PRR16: variants seen among roughly 807,000 people sequenced by gnomAD.
PRR16 encodes proline rich 16.
In PRR16, 6 loss-of-function variants were observed where a neutral mutation model predicts 18.2. That is an observed-to-expected ratio of 0.33 (90% CI 0.18 to 0.65). The LOEUF (loss-of-function observed/expected upper bound fraction) is 0.65. Ranked by LOEUF, PRR16 falls within the 30% of genes least tolerant of loss-of-function variation. The pLI is 0.74. For synonymous variants in PRR16, 151 were observed against 147.8 expected (o/e 1.02, Z -0.16); for missense variants, 412 against 376.6 (o/e 1.09, Z -0.78).
the PRR16 span, among the ~76,000 whole-genome samples, chr5:120,753,259 A>G: frequency 1.3e-5 from 2 of 152,174 alleles, no homozygotes; most frequent in South Asian, 4.1e-4. Context: ...GAATCTGACA[A>G]TCAGTCACTC....
chr5:120,723,458 A>G, the PRR16 span, among the ~76,000 whole-genome samples: 2 of 152,046 alleles, frequency 1.3e-5, no homozygotes, highest in Admixed American at 6.6e-5. Context: ...TAATTTAAAA[A>G]AGCATAATTA....
intron 1 of PRR16, among the ~76,000 whole-genome samples, chr5:120,555,850 C>T (rs889246998): frequency 1.3e-5 from 2 of 148,984 alleles, no homozygotes; most frequent in African/African-American, 2.5e-5. Context: ...AAAAATTTCC[C>T]ATAAGGCACA....
intron 1 of PRR16, among the ~76,000 whole-genome samples, chr5:120,651,823 G>C (rs975545297): frequency 6.6e-6 from 1 of 151,902 alleles, no homozygotes; most frequent in Non-Finnish European, 1.5e-5. Flanking sequence ...CTCTTTTTTG[G>C]TTCCATATGA....
At chr5:120,714,327 T>G in the PRR16 span, among the ~76,000 whole-genome samples, 16 of 152,274 alleles carry the variant, frequency 1.1e-4, no homozygotes, top group African/African-American at 3.8e-4. Flanking sequence ...TTTGCCAACA[T>G]TGACTTGGAG....
intron 1 of PRR16, among the ~76,000 whole-genome samples, chr5:120,554,044 G>A (rs191778005): frequency 6.6e-6 from 1 of 151,930 alleles, no homozygotes; most frequent in East Asian, 1.9e-4. Flanking sequence ...TAAATTCACA[G>A]ATAATACACA....
intron 1 of PRR16, among the ~76,000 whole-genome samples, chr5:120,528,584 A>G (rs1751446780): frequency 6.6e-6 from 1 of 152,158 alleles, no homozygotes; most frequent in Non-Finnish European, 1.5e-5. Flanking sequence ...AAGGCATCCA[A>G]GTTTCCAGAT....
At chr5:120,672,048 A>G (rs1237967368) in intron 1 of PRR16, among the ~76,000 whole-genome samples, 1 of 152,134 alleles carries the variant, frequency 6.6e-6, no homozygotes, top group African/African-American at 2.4e-5. Flanking sequence ...GCCCTTTGGG[A>G]GGTTACAGTC....
At chr5:120,471,009 G>A (rs1288614229) in intron 1 of PRR16, among the ~76,000 whole-genome samples, 1 of 151,918 alleles carries the variant, frequency 6.6e-6, no homozygotes, top group Non-Finnish European at 1.5e-5. Context: ...ACAAATTTTT[G>A]CTTGCAGCAG....
chr5:120,668,923 T>A (rs751178868), intron 1 of PRR16, among the ~76,000 whole-genome samples: 1 of 151,970 alleles, frequency 6.6e-6, no homozygotes, highest in Non-Finnish European at 1.5e-5. Context: ...GAATAACGCG[T>A]CCGCATCAAA....
chr5:120,533,984 G>T (rs1751634682), intron 1 of PRR16, among the ~76,000 whole-genome samples: 1 of 152,172 alleles, frequency 6.6e-6, no homozygotes, highest in African/African-American at 2.4e-5. Flanking sequence ...TTTGTGGCCT[G>T]AGCATTTTTA....
chr5:120,714,831 C>T, the PRR16 span, among the ~76,000 whole-genome samples: 3 of 152,126 alleles, frequency 2.0e-5, no homozygotes, highest in Non-Finnish European at 4.4e-5. Context: ...AGATCATGTA[C>T]TTTGCAGGGA....
intron 1 of PRR16, among the ~76,000 whole-genome samples, chr5:120,474,511 TA>T (rs1749373774): frequency 6.6e-6 from 1 of 152,298 alleles, no homozygotes; most frequent in South Asian, 2.1e-4. Flanking sequence ...TTGTTTTTGC[TA>T]CCTACCTTTT....
intron 1 of PRR16, among the ~76,000 whole-genome samples, chr5:120,620,813 C>T (rs1421014942): frequency 6.6e-6 from 1 of 152,090 alleles, no homozygotes; most frequent in African/African-American, 2.4e-5. Context: ...TGATCTCATC[C>T]AGCCCATAGC....
At chr5:120,550,955 C>T (rs372135538) in intron 1 of PRR16, among the ~76,000 whole-genome samples, 28 of 152,020 alleles carry the variant, frequency 1.8e-4, no homozygotes, top group African/African-American at 6.3e-4. Flanking sequence ...TACAATGTGA[C>T]GTTCTGATAC....
At chr5:120,507,572 C>A (rs1750686725) in intron 1 of PRR16, among the ~76,000 whole-genome samples, 1 of 152,060 alleles carries the variant, frequency 6.6e-6, no homozygotes, top group South Asian at 2.1e-4. Flanking sequence ...AAATGTTGGA[C>A]TGACATGACT....
At chr5:120,718,293 A>G in the PRR16 span, among the ~76,000 whole-genome samples, 1 of 152,150 alleles carries the variant, frequency 6.6e-6, no homozygotes, top group African/African-American at 2.4e-5. Flanking sequence ...ATCAGAAAAC[A>G]CCAATATACT....
At chr5:120,738,913 A>C in the PRR16 span, among the ~76,000 whole-genome samples, 1 of 152,182 alleles carries the variant, frequency 6.6e-6, no homozygotes, top group African/African-American at 2.4e-5. Flanking sequence ...CTAATTTTGC[A>C]GAGGAGATCT....
At chr5:120,549,443 T>C (rs1168484982) in intron 1 of PRR16, among the ~76,000 whole-genome samples, 2 of 151,966 alleles carry the variant, frequency 1.3e-5, no homozygotes, top group Non-Finnish European at 2.9e-5. Context: ...CAAATTCCAA[T>C]GTGTCCTTCC....
At chr5:120,626,114 A>G (rs2112830242) in intron 1 of PRR16, among the ~76,000 whole-genome samples, 1 of 152,288 alleles carries the variant, frequency 6.6e-6, no homozygotes, top group South Asian at 2.1e-4. Context: ...AATTTCCCCA[A>G]GGCTCAGTAA....
Sources: gnomAD v4.1 joint callset for allele counts (sites outside exome capture counted in the v4.1 genomes callset) on GRCh38, gnomAD v4.1.1 for gene constraint, MANE v1.5 for transcripts, NCBI Gene and HGNC (gene_info 2026-07-23, HGNC 2026-07-21) for gene names.